The following TAF7L variants were observed in gnomAD, a reference collection of about 807,000 sequenced individuals.
TAF7L encodes TATA-box binding protein associated factor 7 like.
In TAF7L, 6 loss-of-function variants were observed where a neutral mutation model predicts 30.2. The observed-to-expected ratio is 0.20, with a 90% CI of 0.11 to 0.39. TAF7L has a LOEUF of 0.39. Ranked by LOEUF, TAF7L falls within the 10% of genes least tolerant of loss-of-function variation. The pLI is 1.00. For synonymous variants in TAF7L, 93 were observed against 94.5 expected (o/e 0.98, Z 0.09); for missense variants, 284 against 277.1 (o/e 1.03, Z -0.18).
upstream of TAF7L, chrX:101,291,426 G>A: frequency 3.4e-6 from 1 of 298,102 alleles, no homozygotes; most frequent in Non-Finnish European, 4.5e-6. Context: ...CCAGCGGACT[G>A]GAGCACGACT....
Position 101,282,992 on chromosome X carries a change from G to T in TAF7L, c.279+458C>A, listed in dbSNP as rs193096517. On this transcript the variant is annotated intron_variant, in intron 4 of 12. Transcript: ENST00000356784. ...GCCCAGGTTGGTCTCAAACTCCTGG[G>T]CTCAGGTGATCCTCCCACCTCAGCC... Among the ~76,000 whole-genome samples, 396 of 111,011 alleles carry T rather than the reference G, an allele frequency of 3.6e-3. 2 individuals carry two copies. Among genetic ancestry groups the T allele is most frequent in the Middle Eastern group, 0.014 (3 of 218 alleles).
Position 101,281,748 on chromosome X carries a change from T to C in TAF7L, c.434A>G (p.Lys145Arg), listed in dbSNP as rs1308754644. 2 of 1,208,998 alleles carry C rather than the reference T, an allele frequency of 1.7e-6. No homozygotes were observed. Among genetic ancestry groups the C allele is most frequent in the Non-Finnish European group, 2.2e-6 (2 of 894,804 alleles). ...GITPPLKNVR[K>R]KRFRKTQKKV... ...TTTTTGTGTTTTCCGGAACCTTTTC[T>C]TTCTGACATTCTTAAGTGGTGGCGT... Residue 145 changes from lysine to arginine, a missense_variant, in exon 6 of 13, where the codon AAG (lysine) becomes AGG (arginine). By Grantham distance (26) the Lys-to-Arg change is conservative. Coordinates refer to ENST00000356784, the MANE Select transcript of TAF7L (RefSeq NM_001168474.2).
intron 12 of TAF7L, among the ~76,000 whole-genome samples, chrX:101,270,321 C>G (rs1393578167): frequency 3.6e-5 from 4 of 111,345 alleles, no homozygotes; most frequent in Admixed American, 9.6e-5. Flanking sequence ...TGCTGCACAT[C>G]ACCTACCAAG....
intron 9 of TAF7L, among the ~76,000 whole-genome samples, chrX:101,277,376 C>T (rs1924233515): frequency 1.1e-5 from 1 of 91,152 alleles, no homozygotes; most frequent in South Asian, 5.6e-4. Flanking sequence ...CACTTGAACT[C>T]ATGAGGCAGA....
upstream of TAF7L, chrX:101,292,880 G>C: frequency 8.3e-7 from 1 of 1,211,575 alleles, no homozygotes; most frequent in Non-Finnish European, 1.1e-6. Context: ...GCAGGAATCT[G>C]GGTGCCTTCG....
intron 9 of TAF7L, among the ~76,000 whole-genome samples, chrX:101,276,790 G>C (rs1452583211): frequency 9.1e-6 from 1 of 110,219 alleles, no homozygotes; most frequent in Non-Finnish European, 1.9e-5. Flanking sequence ...GTGGATGGGA[G>C]ATTAGAACAC....
chrX:101,287,317 C>T (rs183996472), intron 2 of TAF7L, among the ~76,000 whole-genome samples, 161 bp downstream of exon 2: 81 of 111,766 alleles, frequency 7.2e-4, no homozygotes, highest in African/African-American at 2.2e-3. Context: ...CAAAAAAGTA[C>T]ACGCTATGAT....
chrX:101,280,093 CAA>C lies in TAF7L; in HGVS notation c.463-1060_463-1059del, dbSNP rs772555547. On this transcript the variant is annotated intron_variant, in intron 6 of 12. Coordinates refer to ENST00000356784, the MANE Select transcript of TAF7L (RefSeq NM_001168474.2). ...GAAAATCTTCAGGATCTGGGCTAGG[CAA>C]AGAGTTCTTAGATTTACTATAAAAA... 6.6e-5 allele frequency among the ~76,000 whole-genome samples: 7 copies of C among 106,702 alleles called. No individual in the cohort carries two copies. In the South Asian group the frequency reaches 2.9e-3, roughly 43 times the overall value. The allele number at this position is 106,702 out of a possible 115,157, so 92.7% of individuals were successfully genotyped here.
Position 101,281,478 on chromosome X carries a change from A to G in TAF7L, c.462+242T>C, listed in dbSNP as rs745894719. On this transcript the variant is annotated intron_variant, in intron 6 of 12. Coordinates refer to ENST00000356784, the MANE Select transcript of TAF7L (RefSeq NM_001168474.2). ...CTGAAAGCATTAACAGAAGTTTCAA[A>G]TGTATGATTCTTCCAGACCCCAAAT... is the stretch of plus-strand genomic sequence containing the variant. Among the ~76,000 whole-genome samples the G allele has an allele frequency of 3.6e-5, 4 of 111,764 alleles. No individual in the cohort carries two copies. In the South Asian group the frequency reaches 1.5e-3, roughly 42 times the overall value.
chrX:101,272,347 C>T (rs1923994170), intron 12 of TAF7L, among the ~76,000 whole-genome samples: 1 of 111,862 alleles, frequency 8.9e-6, no homozygotes. Flanking sequence ...TTCATTGCAG[C>T]ATTATTCATA....
upstream of TAF7L, chrX:101,292,846 G>A (rs772070177): frequency 2.5e-6 from 3 of 1,211,406 alleles, no homozygotes; most frequent in Admixed American, 4.3e-5. Flanking sequence ...GCTGCTGTCC[G>A]CATCCGTTTG....
At chrX:101,287,059 G>A (rs922414192) in intron 2 of TAF7L, among the ~76,000 whole-genome samples, 2 of 112,060 alleles carry the variant, frequency 1.8e-5, no homozygotes, top group East Asian at 2.8e-4. Flanking sequence ...GTATCAGTGT[G>A]GGGGAAGAGA....
intron 4 of TAF7L, 39 bp from the exon 5 acceptor site, chrX:101,282,492 GA>G (rs1569511539): frequency 1.7e-6 from 2 of 1,202,104 alleles, no homozygotes; most frequent in Non-Finnish European, 2.3e-6. Context: ...CTATGACCAC[GA>G]ATTTTGGGTT....
chrX:101,284,997 A>G (rs1924532548), intron 3 of TAF7L, among the ~76,000 whole-genome samples: 1 of 111,419 alleles, frequency 9.0e-6, no homozygotes, highest in Non-Finnish European at 1.9e-5. Flanking sequence ...AGCATTGTGT[A>G]TACGTATCAC....
rs1278711575 is a variant in TAF7L at position 101,291,251 on chromosome X, C to T, written c.-30G>A. 9 of 752,905 alleles carry T rather than the reference C, an allele frequency of 1.2e-5. No individual in the cohort carries two copies. Among genetic ancestry groups the T allele is most frequent in the Non-Finnish European group, 1.4e-5 (9 of 638,854 alleles). The allele number at this position is 752,905 out of a possible 1,213,427, so 62.0% of individuals were successfully genotyped here. A position where few individuals can be genotyped will look rare whatever the true frequency, so the allele number is the denominator to read the frequency against. ...GCTCCTCCGGGAACTGGCGCCGACA[C>T]CGAAAAGGCTGGGACCTGCGTCTCT... On this transcript the variant is annotated 5_prime_UTR_variant, in exon 1 of 13. It adds an upstream start codon to the 5' untranslated region. Transcript: ENST00000356784.
chrX:101,281,870 G>A (rs978210188), intron 5 of TAF7L, 95 bp from the exon 6 acceptor site: 1 of 799,527 alleles, frequency 1.3e-6, no homozygotes, highest in Non-Finnish European at 1.8e-6. Flanking sequence ...AAACCAAAGG[G>A]TCATGACATC....
chrX:101,269,262 G>A (rs1244304211), intron 12 of TAF7L, 25 bp from the exon 13 acceptor site: 1 of 1,180,421 alleles, frequency 8.5e-7, no homozygotes, highest in African/African-American at 1.8e-5. Context: ...AGAAAGACAT[G>A]AAAAATTCAT....
At position 101,268,432 on chromosome X, in the gene TAF7L, A is replaced by T. The variant is rs1923861420; in HGVS notation, c.*761T>A. On this transcript the variant is annotated 3_prime_UTR_variant, in exon 13 of 13. Coordinates refer to ENST00000356784, the MANE Select transcript of TAF7L (RefSeq NM_001168474.2). ...GGAGGAGAAGGCTCAGAATAAGGATAACAGTTCATAATTTCTTCATCTCTG... is the reference window on the plus strand; with the variant it reads ...GGAGGAGAAGGCTCAGAATAAGGATTACAGTTCATAATTTCTTCATCTCTG... 8.9e-6 allele frequency: 1 copy of T among 112,000 alleles called. No individual in the cohort carries two copies. The highest frequency in any genetic ancestry group is 3.2e-5 in the African/African-American group (1 of 30,808). The allele number at this position is 112,000 out of a possible 1,213,427, so 9.2% of individuals were successfully genotyped here.
rs781050609 is a variant in TAF7L at position 101,280,442 on chromosome X, C to T, written c.462+1278G>A. The stretch of plus-strand genomic sequence containing the variant: ...TTAATACTACAATGGGATCACTATG[C>T]ACCTATCAGAATGGCTAAAATGAAA... On this transcript the variant is annotated intron_variant, in intron 6 of 12. Transcript: ENST00000356784. 5.4e-5 allele frequency among the ~76,000 whole-genome samples: 6 copies of T among 111,977 alleles called. No individual in the cohort carries two copies. The South Asian group carries it at 2.2e-3, about 42-fold the overall frequency.
Sources: gnomAD v4.1 joint callset for allele counts (sites outside exome capture counted in the v4.1 genomes callset) on GRCh38, gnomAD v4.1.1 for gene constraint, MANE v1.5 for transcripts, NCBI Gene and HGNC (gene_info 2026-07-23, HGNC 2026-07-21) for gene names.